Variants in TRPM7 observed in about 807,000 individuals in gnomAD.
TRPM7 encodes LTRPC ion channel family member 7.
A neutral mutation model predicts 229.7 loss-of-function variants in TRPM7; 134 were observed. The observed-to-expected ratio is 0.58, with a 90% confidence interval of 0.51 to 0.67. The LOEUF is 0.67. Among genes scored for constraint, TRPM7 ranks in the 30% least tolerant of loss-of-function variants. The pLI is 0.00. For missense variants in TRPM7, 1,901 were observed against 2,210.0 expected (o/e 0.86, Z 2.80); for synonymous variants, 699 against 715.2 (o/e 0.98, Z 0.36).
intron 8 of TRPM7, among the ~76,000 whole-genome samples, chr15:50,633,571 C>T (rs534425641): frequency 2.0e-4 from 30 of 152,102 alleles, no homozygotes; most frequent in Non-Finnish European, 4.1e-4. Flanking sequence ...TAAAAAGTGG[C>T]ACAATATATA....
chr15:50,624,257 T>C lies in TRPM7; in HGVS notation c.1349A>G (p.Asp450Gly), dbSNP rs774235619. Reference sequence around the variant, plus strand: ...AAGAAGTTTTACAAATGCAACTCTATCCATTACAAGAGCATCAAGCATAGC... The same window carrying C: ...AAGAAGTTTTACAAATGCAACTCTACCCATTACAAGAGCATCAAGCATAGC... ...EQAMLDALVM[D>G]RVAFVKLLIE... The change falls in exon 12 of 39, where the codon GAT (aspartate) becomes GGT (glycine). Residue 450 changes from aspartate to glycine, a missense_variant. By Grantham distance (94) the Asp-to-Gly change is moderately conservative. Coordinates refer to ENST00000646667, the MANE Select transcript of TRPM7 (RefSeq NM_017672.6). 9.3e-6 allele frequency: 15 copies of C among 1,612,404 alleles called. No homozygotes were observed. The highest frequency in any genetic ancestry group is 1.3e-5 in the African/African-American group (1 of 74,892).
At chr15:50,684,559 T>C (rs577351897) in intron 1 of TRPM7, among the ~76,000 whole-genome samples, 10 of 151,880 alleles carry the variant, frequency 6.6e-5, no homozygotes, top group African/African-American at 2.4e-4. Context: ...GAGAATCACT[T>C]GAACCCAGGA....
At chr15:50,620,184 C>T (rs1001856048) in intron 12 of TRPM7, among the ~76,000 whole-genome samples, 5 of 152,120 alleles carry the variant, frequency 3.3e-5, no homozygotes, top group Admixed American at 2.0e-4. Context: ...GGTAACAAGA[C>T]TTTAACACAA....
At chr15:50,578,727 A>C (rs1003806496) in intron 30 of TRPM7, 63 bp from the exon 31 acceptor site, 7 of 1,272,374 alleles carry the variant, frequency 5.5e-6, no homozygotes, top group Non-Finnish European at 7.5e-6. Context: ...GCTATCATTT[A>C]ATTTTTTGAT....
In TRPM7 at chr15:50,574,472, C is replaced by A; in HGVS notation, c.5110G>T (p.Glu1704Ter). ...GAATGGCAATACAGCAGGAAAACTT[C>A]AAGGAACCTTATAAAAAATAGTTAT... ...KSIPYSPRFL[E>*]VFLLYCHSAG... The change falls in exon 36 of 39, where the codon GAA becomes TAA. Residue 1704 changes from glutamate to a stop codon, truncating the protein, a stop_gained. Transcript: ENST00000646667. LOFTEE classifies it high-confidence loss of function. 2 of 1,610,004 alleles carry A rather than the reference C, an allele frequency of 1.2e-6. No homozygotes were observed. Among genetic ancestry groups the A allele is most frequent in the Non-Finnish European group, 8.5e-7 (1 of 1,178,724 alleles).
rs1409319453 is a variant in TRPM7, at chr15:50,670,232, T to C, written c.4-7186A>G. Among the ~76,000 whole-genome samples the C allele has an allele frequency of 3.3e-5, 5 of 152,078 alleles. No individual in the cohort carries two copies. The East Asian group carries it at 9.6e-4, about 29-fold the overall frequency. Reference sequence around the variant, plus strand: ...ACCCTTAGGATGAAGGATTCTCTTATAAAAGAAGGGGGGAAACGTCAGAGG... The same window carrying C: ...ACCCTTAGGATGAAGGATTCTCTTACAAAAGAAGGGGGGAAACGTCAGAGG... On this transcript the variant is annotated intron_variant, in intron 1 of 38. Coordinates refer to ENST00000646667, the MANE Select transcript of TRPM7 (RefSeq NM_017672.6).
intron 21 of TRPM7, among the ~76,000 whole-genome samples, chr15:50,603,712 T>C (rs575715020): frequency 2.3e-4 from 35 of 152,310 alleles, no homozygotes; most frequent in Admixed American, 1.4e-3. Flanking sequence ...CAGTCTATCA[T>C]TGATGGACAT....
chr15:50,589,917 G>C (rs1376671367), intron 26 of TRPM7, among the ~76,000 whole-genome samples: 3 of 151,986 alleles, frequency 2.0e-5, no homozygotes, highest in Non-Finnish European at 4.4e-5. Flanking sequence ...GAGTGCAGTG[G>C]TGTGACCTTG....
At chr15:50,563,619 G>A (rs1049936048) in intron 38 of TRPM7, among the ~76,000 whole-genome samples, 2 of 152,136 alleles carry the variant, frequency 1.3e-5, no homozygotes, top group African/African-American at 2.4e-5. Flanking sequence ...TGAGCAACTG[G>A]GTAACCATTA....
At chr15:50,583,500 C>T (rs1419493164) in intron 28 of TRPM7, among the ~76,000 whole-genome samples, 1 of 151,880 alleles carries the variant, frequency 6.6e-6, no homozygotes, top group Non-Finnish European at 1.5e-5. Flanking sequence ...CACATACCCC[C>T]GCCAATATTT....
intron 3 of TRPM7, among the ~76,000 whole-genome samples, chr15:50,655,109 C>G (rs1460810728): frequency 7.1e-6 from 1 of 141,706 alleles, no homozygotes; most frequent in South Asian, 2.2e-4. Context: ...TTATTCAATA[C>G]ATCAGATAAA....
At chr15:50,580,800 A>G in intron 30 of TRPM7, 74 bp downstream of exon 30, 1 of 1,375,484 alleles carries the variant, frequency 7.3e-7, no homozygotes, top group South Asian at 1.4e-5. Flanking sequence ...GAGATGATGT[A>G]AAGAGCAGGA....
In TRPM7 at chr15:50,612,731, A is replaced by G; in HGVS notation, c.1869T>C (p.Asn623=). The G allele has an allele frequency of 8.1e-6, 13 of 1,614,192 alleles. No individual in the cohort carries two copies. Among genetic ancestry groups the G allele is most frequent in the Non-Finnish European group, 1.1e-5 (13 of 1,180,024 alleles). ...TAAGGCAAGCCCAAATTAAAAGTTC[A>G]TTAAGTGGATAAGGAAAGCGCTTGG... ...PETKRFPYPL[N]ELLIWACLMK... Residue 623 remains asparagine (N), a synonymous_variant, in exon 16 of 39, where the codon AAT becomes AAC. Transcript: ENST00000646667.
chr15:50,648,133 T>C (rs923249446), intron 4 of TRPM7, among the ~76,000 whole-genome samples: 5 of 124,766 alleles, frequency 4.0e-5, no homozygotes, highest in Admixed American at 2.7e-4. Flanking sequence ...AGGGTGTGCA[T>C]AGATTACATC....
chr15:50,570,187 TTTATA>T (rs757308436), intron 36 of TRPM7, 32 bp from the exon 37 acceptor site: 10 of 1,459,076 alleles, frequency 6.9e-6, no homozygotes, highest in South Asian at 6.3e-5. Flanking sequence ...AGACAAATAA[TTTATA>T]TTATATAATT....
intron 1 of TRPM7, among the ~76,000 whole-genome samples, chr15:50,685,828 C>T (rs1290449965): frequency 6.6e-6 from 1 of 152,142 alleles, no homozygotes; most frequent in Non-Finnish European, 1.5e-5. Flanking sequence ...ATCAACTGTT[C>T]TCTGGGGCAA....
chr15:50,615,163 CAAAAAAAAAAAAAAAAAAA>C (rs71124383), intron 13 of TRPM7, among the ~76,000 whole-genome samples: 13 of 94,548 alleles, frequency 1.4e-4, no homozygotes, highest in Admixed American at 1.3e-3. Context: ...GACTTTGTCT[CAAAAAAAAAAAAAAAAAAA>C]AAAAAAAAGA....
chr15:50,678,832 T>A lies in TRPM7; in HGVS notation c.3+7699A>T, dbSNP rs372068828. 3.6e-4 allele frequency among the ~76,000 whole-genome samples: 54 copies of A among 151,818 alleles called. 1 individual carries two copies. The East Asian group carries it at 9.5e-3, about 27-fold the overall frequency. ...ACCACTTAAGCCCAGGAGTTCAAGATCAACCTGGGCAACAGAGTGAGAAAC... is the reference window on the plus strand; with the variant it reads ...ACCACTTAAGCCCAGGAGTTCAAGAACAACCTGGGCAACAGAGTGAGAAAC... On this transcript the variant is annotated intron_variant, in intron 1 of 38. Transcript: ENST00000646667.
intron 2 of TRPM7, among the ~76,000 whole-genome samples, chr15:50,659,716 G>A (rs1199398499): frequency 1.3e-5 from 2 of 151,024 alleles, no homozygotes; most frequent in Non-Finnish European, 2.9e-5. Flanking sequence ...CACTGAGGCT[G>A]GAGTGCAGTG....
Sources: allele counts gnomAD v4.1 joint callset (sites outside exome capture counted in the v4.1 genomes callset), GRCh38; gene constraint gnomAD v4.1.1; transcripts MANE v1.5; gene names NCBI Gene and HGNC (gene_info 2026-07-23, HGNC 2026-07-21).